The following THSD7A variants were observed in gnomAD, a reference collection of about 807,000 sequenced individuals.
THSD7A encodes the protein thrombospondin type 1 domain containing 7A.
A neutral mutation model predicts 231.3 loss-of-function variants in THSD7A; 96 were observed. The ratio of observed to expected loss-of-function variants is 0.41; its 90% CI spans 0.35 to 0.49. THSD7A has a LOEUF of 0.49. THSD7A is among the 20% of genes least tolerant of loss of function. The pLI, the probability that THSD7A is intolerant of heterozygous loss-of-function variation, is 0.05. For synonymous variants in THSD7A, 940 were observed against 743.3 expected (o/e 1.26, Z -4.30); for missense variants, 2,290 against 2,070.2 (o/e 1.11, Z -2.06).
intron 1 of THSD7A, among the ~76,000 whole-genome samples, chr7:11,742,693 G>C (rs1303087070): frequency 6.6e-6 from 1 of 151,908 alleles, no homozygotes; most frequent in Non-Finnish European, 1.5e-5. Flanking sequence ...AGACTGGGAG[G>C]TTGCTATTAA....
At position 11,660,169 on chromosome 7, in the gene THSD7A, C is replaced by A. The variant is rs528886819; in HGVS notation, c.191-23208G>T. On this transcript the variant is annotated intron_variant, in intron 1 of 27. Coordinates refer to ENST00000423059, the MANE Select transcript of THSD7A (RefSeq NM_015204.3). Reference sequence around the variant, plus strand: ...CCTAGAAAAATTTACAAACTCATTTCTGCTTTCAACAGATAGAGAGTAACA... The same window carrying A: ...CCTAGAAAAATTTACAAACTCATTTATGCTTTCAACAGATAGAGAGTAACA... Among the ~76,000 whole-genome samples, 69 of 151,626 alleles carry A rather than the reference C, an allele frequency of 4.6e-4. 1 individual carries two copies. Among genetic ancestry groups the A allele is most frequent in the Admixed American group, 3.6e-3 (54 of 15,176 alleles).
At chr7:11,396,308 A>G (rs1583665223) in intron 23 of THSD7A, among the ~76,000 whole-genome samples, 1 of 152,176 alleles carries the variant, frequency 6.6e-6, no homozygotes. Flanking sequence ...TGAAGGTGAT[A>G]GAGACATGAA....
chr7:11,452,200 T>C (rs1229205330), intron 11 of THSD7A, among the ~76,000 whole-genome samples: 1 of 151,888 alleles, frequency 6.6e-6, no homozygotes, highest in Non-Finnish European at 1.5e-5. Context: ...TATGGTTTTA[T>C]GAAAAAAATG....
At chr7:11,495,889 G>T (rs1208175905) in intron 6 of THSD7A, among the ~76,000 whole-genome samples, 1 of 152,132 alleles carries the variant, frequency 6.6e-6, no homozygotes, top group Non-Finnish European at 1.5e-5. Flanking sequence ...CGAAATAACA[G>T]GGGATTTGGA....
chr7:11,487,368 G>A (rs1042671525), intron 6 of THSD7A, among the ~76,000 whole-genome samples: 6 of 152,076 alleles, frequency 3.9e-5, no homozygotes, highest in African/African-American at 1.4e-4. Flanking sequence ...AAAGTTTATT[G>A]CATTTATCGT....
chr7:11,503,987 C>G (rs1264867709), intron 6 of THSD7A, among the ~76,000 whole-genome samples: 2 of 152,136 alleles, frequency 1.3e-5, no homozygotes, highest in African/African-American at 4.8e-5. Flanking sequence ...ATAAAGCATT[C>G]TGCCACAGAG....
chr7:11,789,688 C>T (rs770639691), intron 1 of THSD7A, among the ~76,000 whole-genome samples: 9 of 151,948 alleles, frequency 5.9e-5, no homozygotes, highest in Non-Finnish European at 1.2e-4. Flanking sequence ...ACTTACTCAT[C>T]TTGCATAACT....
At chr7:11,707,352 C>A (rs1780802108) in intron 1 of THSD7A, among the ~76,000 whole-genome samples, 2 of 151,010 alleles carry the variant, frequency 1.3e-5, no homozygotes, top group South Asian at 4.2e-4. Context: ...AGTTATGGAG[C>A]TATTAATTTT....
chr7:11,786,758 AT>A (rs1205756191), intron 1 of THSD7A, among the ~76,000 whole-genome samples: 25 of 80,922 alleles, frequency 3.1e-4, no homozygotes, highest in African/African-American at 1.7e-3. Context: ...GAGTATAATA[AT>A]AAAAAAAAAA....
chr7:11,789,905 T>C (rs148605381), intron 1 of THSD7A, among the ~76,000 whole-genome samples: 15 of 152,144 alleles, frequency 9.9e-5, no homozygotes, highest in African/African-American at 3.6e-4. Context: ...TTATATGATA[T>C]GGACTTCCGT....
chr7:11,535,550 TGTAA>T lies in THSD7A; in HGVS notation c.1822+5865_1822+5868del, dbSNP rs200088512. ...ACCAATAGTTTTAGACGATCCTAATTGTAAGTGAGAGACCTTAGATTTAACATAA... is the reference window on the plus strand; with the variant it reads ...ACCAATAGTTTTAGACGATCCTAATTGTGAGAGACCTTAGATTTAACATAA... On this transcript the variant is annotated intron_variant, in intron 6 of 27. Transcript: ENST00000423059. 2.0e-5 allele frequency among the ~76,000 whole-genome samples: 3 copies of T among 151,606 alleles called. No individual in the cohort carries two copies. The East Asian group carries it at 5.8e-4, about 29-fold the overall frequency.
chr7:11,555,268 C>T (rs1244442061), intron 4 of THSD7A, among the ~76,000 whole-genome samples: 3 of 151,894 alleles, frequency 2.0e-5, no homozygotes, highest in African/African-American at 4.8e-5. Flanking sequence ...TTTAGCTATG[C>T]CTCACAGATT....
intron 1 of THSD7A, among the ~76,000 whole-genome samples, chr7:11,776,571 G>A (rs1050347384): frequency 6.6e-6 from 1 of 152,050 alleles, no homozygotes; most frequent in Middle Eastern, 3.2e-3. Context: ...CACTGTATAA[G>A]GTTTGTCTTT....
In THSD7A at chr7:11,481,985, G is replaced by A. The variant is rs1299665836; in HGVS notation, c.1823-3C>T. The A allele has an allele frequency of 1.3e-6, 2 of 1,585,552 alleles. No homozygotes were observed. Among genetic ancestry groups the A allele is most frequent in the African/African-American group, 1.3e-5 (1 of 74,102 alleles). The stretch of plus-strand genomic sequence containing the variant: ...CAGCTGTCTGTCAACTTCTTCTCCT[G>A]GGGAAAACATGACCACCAACAGCTA... On this transcript the variant is annotated splice_region_variant and splice_polypyrimidine_tract_variant and intron_variant, in intron 6 of 27. Transcript: ENST00000423059.
intron 1 of THSD7A, among the ~76,000 whole-genome samples, chr7:11,660,852 G>C (rs775958159): frequency 5.3e-5 from 8 of 151,394 alleles, no homozygotes; most frequent in Non-Finnish European, 1.2e-4. Context: ...GTCCCAAGGA[G>C]AACAATTAGA....
chr7:11,686,098 C>T (rs1357071782), intron 1 of THSD7A, among the ~76,000 whole-genome samples: 1 of 151,812 alleles, frequency 6.6e-6, no homozygotes, highest in East Asian at 1.9e-4. Flanking sequence ...ACCCAAATAC[C>T]ATATGTTCTT....
chr7:11,590,568 C>G lies in THSD7A; in HGVS notation c.1345G>C (p.Gly449Arg). Reference protein sequence around the residue: ...PLLSQQDKRRGNQTALCGGGI... With the variant: ...PLLSQQDKRRRNQTALCGGGI... The stretch of plus-strand genomic sequence containing the variant: ...CCTCCACAGAGGGCCGTCTGGTTGC[C>G]GCGCCTCTTGTCCTGCTGACTGAGC... Residue 449 changes from glycine to arginine, a missense_variant, in exon 4 of 28, where the codon GGC becomes CGC. Gly to Arg is a moderately radical substitution (Grantham distance 125, BLOSUM62 -2). Coordinates refer to ENST00000423059, the MANE Select transcript of THSD7A (RefSeq NM_015204.3). The surrounding 1 kb of genome is among the most constrained non-coding windows in gnomAD (Gnocchi z 4.4). 6.2e-7 allele frequency: 1 copy of G among 1,613,824 alleles called. No individual in the cohort carries two copies. Among genetic ancestry groups the G allele is most frequent in the Admixed American group, 1.7e-5 (1 of 59,994 alleles).
chr7:11,787,475 C>G (rs1042672665), intron 1 of THSD7A, among the ~76,000 whole-genome samples: 1 of 151,854 alleles, frequency 6.6e-6, no homozygotes, highest in Non-Finnish European at 1.5e-5. Context: ...GAAGACAAGC[C>G]ACGCATTGGG....
intron 23 of THSD7A, among the ~76,000 whole-genome samples, chr7:11,393,870 A>T (rs1425765051): frequency 6.6e-6 from 1 of 152,124 alleles, no homozygotes; most frequent in African/African-American, 2.4e-5. Flanking sequence ...ACTATGTGAA[A>T]AGACTAAATC....
Sources: allele counts gnomAD v4.1 joint callset (sites outside exome capture counted in the v4.1 genomes callset), GRCh38; gene constraint gnomAD v4.1.1; non-coding constraint Gnocchi (gnomAD v3.1); transcripts MANE v1.5; gene names NCBI Gene and HGNC (gene_info 2026-07-23, HGNC 2026-07-21).